The following C19orf73 variants were observed in gnomAD, a reference collection of about 807,000 sequenced individuals.
The protein encoded by C19orf73 is chromosome 19 open reading frame 73, also known as putative uncharacterized protein C19orf73.
For missense variants in C19orf73, 211 were observed against 177.6 expected (o/e 1.19, Z -1.07); for synonymous variants, 86 against 79.1 (o/e 1.09, Z -0.46).
chr19:49,118,951 C>G lies in C19orf73; in HGVS notation c.72G>C (p.Val24=). The change falls in exon 1 of 1, where the codon GTG becomes GTC. Residue 24 remains valine (V), a synonymous_variant. Coordinates refer to ENST00000408991, the MANE Select transcript of C19orf73 (RefSeq NM_018111.3). ...RKDALCLEGG[V]SARWARAPHS... is the part of the protein sequence containing the mutation. ...GAGGTGCCCTCGCCCACCGGGCGCTCACTCCACCTTCCAAACACAGCGCGT... is the reference window on the plus strand; with the variant it reads ...GAGGTGCCCTCGCCCACCGGGCGCTGACTCCACCTTCCAAACACAGCGCGT... 6.2e-7 allele frequency: 1 copy of G among 1,613,666 alleles called. No individual in the cohort carries two copies. Among genetic ancestry groups the G allele is most frequent in the Non-Finnish European group, 8.5e-7 (1 of 1,179,816 alleles).
Position 49,119,015 on chromosome 19 carries a change from A to T in C19orf73, c.8T>A (p.Leu3Gln). The T allele has an allele frequency of 6.2e-7, 1 of 1,613,442 alleles. No individual in the cohort carries two copies. The highest frequency in any genetic ancestry group is 8.5e-7 in the Non-Finnish European group (1 of 1,179,758). MR[L>Q]KVGFQGGGCF... Reference sequence around the variant, plus strand: ...GCCCCCGCCTTGAAATCCAACCTTTAGCCTCATCCCGCTGCCCGCCCAGCC... The same window carrying T: ...GCCCCCGCCTTGAAATCCAACCTTTTGCCTCATCCCGCTGCCCGCCCAGCC... The change falls in exon 1 of 1, where the codon CTA (leucine) becomes CAA (glutamine). Residue 3 changes from leucine to glutamine, a missense_variant. By Grantham distance (113) the Leu-to-Gln change is moderately radical. Coordinates refer to ENST00000408991, the MANE Select transcript of C19orf73 (RefSeq NM_018111.3).
Position 49,118,974 on chromosome 19 carries a change from C to G in C19orf73, c.49G>C (p.Ala17Pro). 1 of 1,613,682 alleles carries G rather than the reference C, an allele frequency of 6.2e-7. No individual in the cohort carries two copies. Among genetic ancestry groups the G allele is most frequent in the Non-Finnish European group, 8.5e-7 (1 of 1,179,850 alleles). ...FQGGGCFRKD[A>P]LCLEGGVSAR... Reference sequence around the variant, plus strand: ...CTCACTCCACCTTCCAAACACAGCGCGTCTTTCCGGAAGCAGCCCCCGCCT... The same window carrying G: ...CTCACTCCACCTTCCAAACACAGCGGGTCTTTCCGGAAGCAGCCCCCGCCT... Residue 17 changes from alanine to proline, a missense_variant, in exon 1 of 1, where the codon GCG becomes CCG. Coordinates refer to ENST00000408991, the MANE Select transcript of C19orf73 (RefSeq NM_018111.3).
In C19orf73 at chr19:49,118,517, G is replaced by T. The variant is rs1256504088; in HGVS notation, c.*116C>A. 3.2e-5 allele frequency: 50 copies of T among 1,566,240 alleles called. No homozygotes were observed. The highest frequency in any genetic ancestry group is 4.4e-5 in the Non-Finnish European group (50 of 1,143,328). ...GGGTTGGTGTCTTGAGATGTGGAGG[G>T]AATGCGAGGAGCTGAGGTCAGGCCA... On this transcript the variant is annotated 3_prime_UTR_variant, in exon 1 of 1. Coordinates refer to ENST00000408991, the MANE Select transcript of C19orf73 (RefSeq NM_018111.3).
rs2040890251 is a variant in C19orf73 at position 49,119,142 on chromosome 19, TC to T, written c.-121del. The T allele has an allele frequency of 7.2e-7, 1 of 1,380,566 alleles. No individual in the cohort carries two copies. The highest frequency in any genetic ancestry group is 2.5e-5 in the Admixed American group (1 of 39,796). The allele number at this position is 1,380,566 out of a possible 1,614,324, so 85.5% of individuals were successfully genotyped here. ...GCGCTACTCGCTCCAGGTGACATCATCCCCCTGCCGGGCTCCGCCTCCCGCC... is the reference window on the plus strand; with the variant it reads ...GCGCTACTCGCTCCAGGTGACATCATCCCCTGCCGGGCTCCGCCTCCCGCC... On this transcript the variant is annotated 5_prime_UTR_variant, in exon 1 of 1. Transcript: ENST00000408991.
At position 49,118,831 on chromosome 19, in the gene C19orf73, C is replaced by T; in HGVS notation, c.192G>A (p.Arg64=). ...CGGAGCGAACCATTAGCCTCGTCCG[C>T]CGGGGGAACCCTGCAGGCCGCACTA... ...QTVVRPAGFP[R]RTRLMVRSAP... The change falls in exon 1 of 1, where the codon CGG becomes CGA. Residue 64 remains arginine, a synonymous_variant. Transcript: ENST00000408991. 1 of 1,613,770 alleles carries T rather than the reference C, an allele frequency of 6.2e-7. No individual in the cohort carries two copies. Among genetic ancestry groups the T allele is most frequent in the South Asian group, 1.1e-5 (1 of 91,046 alleles).
chr19:49,118,502 C>A lies in C19orf73; in HGVS notation c.*131G>T. 1.3e-6 allele frequency: 2 copies of A among 1,569,648 alleles called. No individual in the cohort carries two copies. Among genetic ancestry groups the A allele is most frequent in the Non-Finnish European group, 1.7e-6 (2 of 1,143,190 alleles). ...CTGTCCTGCATCCCTGGGTTGGTGTCTTGAGATGTGGAGGGAATGCGAGGA... is the reference window on the plus strand; with the variant it reads ...CTGTCCTGCATCCCTGGGTTGGTGTATTGAGATGTGGAGGGAATGCGAGGA... On this transcript the variant is annotated 3_prime_UTR_variant, in exon 1 of 1. Coordinates refer to ENST00000408991, the MANE Select transcript of C19orf73 (RefSeq NM_018111.3).
chr19:49,118,471 G>T lies in C19orf73; in HGVS notation c.*162C>A. The T allele has an allele frequency of 6.4e-7, 1 of 1,556,664 alleles. No individual in the cohort carries two copies. Among genetic ancestry groups the T allele is most frequent in the Non-Finnish European group, 8.9e-7 (1 of 1,127,926 alleles). On this transcript the variant is annotated 3_prime_UTR_variant, in exon 1 of 1. Coordinates refer to ENST00000408991, the MANE Select transcript of C19orf73 (RefSeq NM_018111.3). ...GATATTTGACCCTCACTGAGTGTCT[G>T]TGTGTCTGTCCTGCATCCCTGGGTT...
chr19:49,118,886 G>A lies in C19orf73; in HGVS notation c.137C>T (p.Ala46Val). Residue 46 changes from alanine (A) to valine (V), a missense_variant, in exon 1 of 1, where the codon GCA (alanine) becomes GTA (valine). Physicochemically the swap from Ala to Val is moderately conservative, Grantham distance 64. Coordinates refer to ENST00000408991, the MANE Select transcript of C19orf73 (RefSeq NM_018111.3). ...CTGCGTGGGAGTCGCGGGTGGGGGT[G>A]CCGCGTGCAGTTCCCGAGGCGGGCG... ...PLRPPRELHA[A>V]PPPATPTQTV... The A allele has an allele frequency of 6.2e-7, 1 of 1,613,008 alleles. No homozygotes were observed. Among genetic ancestry groups the A allele is most frequent in the Non-Finnish European group, 8.5e-7 (1 of 1,179,438 alleles).
Position 49,118,836 on chromosome 19 carries a change from G to T in C19orf73, c.187C>A (p.Pro63Thr). Residue 63 changes from proline (P) to threonine (T), a missense_variant, in exon 1 of 1, where the codon CCC (proline) becomes ACC (threonine). Physicochemically the swap from Pro to Thr is conservative, Grantham distance 38. Coordinates refer to ENST00000408991, the MANE Select transcript of C19orf73 (RefSeq NM_018111.3). The stretch of plus-strand genomic sequence containing the variant: ...CGAACCATTAGCCTCGTCCGCCGGG[G>T]GAACCCTGCAGGCCGCACTACTGTC... Reference protein sequence around the residue: ...TQTVVRPAGFPRRTRLMVRSA... With the variant: ...TQTVVRPAGFTRRTRLMVRSA... The T allele has an allele frequency of 6.2e-7, 1 of 1,613,768 alleles. No individual in the cohort carries two copies.
Position 49,118,461 on chromosome 19 carries a change from CTGAG to C in C19orf73, c.*168_*171del. 1 of 1,559,836 alleles carries C rather than the reference CTGAG, an allele frequency of 6.4e-7. No homozygotes were observed. The highest frequency in any genetic ancestry group is 8.8e-7 in the Non-Finnish European group (1 of 1,130,742). Reference sequence around the variant, plus strand: ...TTTATTTAAAGATATTTGACCCTCACTGAGTGTCTGTGTGTCTGTCCTGCATCCC... The same window carrying C: ...TTTATTTAAAGATATTTGACCCTCACTGTCTGTGTGTCTGTCCTGCATCCC... On this transcript the variant is annotated 3_prime_UTR_variant, in exon 1 of 1. Coordinates refer to ENST00000408991, the MANE Select transcript of C19orf73 (RefSeq NM_018111.3).
At position 49,118,513 on chromosome 19, in the gene C19orf73, G is replaced by C. The variant is rs1018183196; in HGVS notation, c.*120C>G. 4 of 1,564,020 alleles carry C rather than the reference G, an allele frequency of 2.6e-6. No homozygotes were observed. In the African/African-American group the frequency reaches 5.4e-5, roughly 21 times the overall value. ...CCCTGGGTTGGTGTCTTGAGATGTG[G>C]AGGGAATGCGAGGAGCTGAGGTCAG... On this transcript the variant is annotated 3_prime_UTR_variant, in exon 1 of 1. Transcript: ENST00000408991.
At position 49,118,428 on chromosome 19, in the gene C19orf73, C is replaced by A. The variant is rs1225036619; in HGVS notation, c.*205G>T. The A allele has an allele frequency of 5.6e-6, 9 of 1,601,036 alleles. No homozygotes were observed. The highest frequency in any genetic ancestry group is 5.0e-5 in the Admixed American group (3 of 59,950). On this transcript the variant is annotated 3_prime_UTR_variant, in exon 1 of 1. Coordinates refer to ENST00000408991, the MANE Select transcript of C19orf73 (RefSeq NM_018111.3). ...CTCTTCCTGTACAGTATTTATTGTT[C>A]CTGGCACTTTATTTAAAGATATTTG...
In C19orf73 at chr19:49,118,946, G is replaced by C; in HGVS notation, c.77C>G (p.Ala26Gly). The C allele has an allele frequency of 6.2e-7, 1 of 1,613,652 alleles. No homozygotes were observed. Among genetic ancestry groups the C allele is most frequent in the Non-Finnish European group, 8.5e-7 (1 of 1,179,808 alleles). ...AGAATGAGGTGCCCTCGCCCACCGG[G>C]CGCTCACTCCACCTTCCAAACACAG... Reference protein sequence around the residue: ...DALCLEGGVSARWARAPHSAP... With the variant: ...DALCLEGGVSGRWARAPHSAP... Residue 26 changes from alanine (A) to glycine (G), a missense_variant, in exon 1 of 1, where the codon GCC becomes GGC. Coordinates refer to ENST00000408991, the MANE Select transcript of C19orf73 (RefSeq NM_018111.3).
At position 49,119,100 on chromosome 19, in the gene C19orf73, C is replaced by G. The variant is rs2040889183; in HGVS notation, c.-78G>C. The G allele has an allele frequency of 6.3e-7, 1 of 1,586,754 alleles. No homozygotes were observed. Among genetic ancestry groups the G allele is most frequent in the African/African-American group, 1.3e-5 (1 of 74,112 alleles). On this transcript the variant is annotated 5_prime_UTR_variant, in exon 1 of 1. Coordinates refer to ENST00000408991, the MANE Select transcript of C19orf73 (RefSeq NM_018111.3). ...CCACTGCCGGGAGCCGGGGTCGCGA[C>G]TCGCGTTCCACGCCGCGCGCTACTC...
the C19orf73 span, chr19:49,118,734 GA>G: frequency 6.2e-7 from 1 of 1,614,230 alleles, no homozygotes; most frequent in Non-Finnish European, 8.5e-7. Flanking sequence ...GTCTGAGGGC[GA>G]AGGCCAAGTC....
At position 49,119,121 on chromosome 19, in the gene C19orf73, T is replaced by C. The variant is rs923954678; in HGVS notation, c.-99A>G. The C allele has an allele frequency of 1.4e-5, 22 of 1,538,034 alleles. No homozygotes were observed. The South Asian group carries it at 2.4e-4, about 17-fold the overall frequency. ...GCGACTCGCGTTCCACGCCGCGCGCTACTCGCTCCAGGTGACATCATCCCC... is the reference window on the plus strand; with the variant it reads ...GCGACTCGCGTTCCACGCCGCGCGCCACTCGCTCCAGGTGACATCATCCCC... On this transcript the variant is annotated 5_prime_UTR_variant, in exon 1 of 1. Coordinates refer to ENST00000408991, the MANE Select transcript of C19orf73 (RefSeq NM_018111.3).
Position 49,118,543 on chromosome 19 carries a change from A to C in C19orf73, c.*90T>G. 3 of 1,573,572 alleles carry C rather than the reference A, an allele frequency of 1.9e-6. No individual in the cohort carries two copies. The highest frequency in any genetic ancestry group is 1.7e-6 in the Non-Finnish European group (2 of 1,156,238). On this transcript the variant is annotated 3_prime_UTR_variant, in exon 1 of 1. Transcript: ENST00000408991. ...AATGCGAGGAGCTGAGGTCAGGCCA[A>C]GCCGTTGAGAAGCCTTTTCCAGAGT...
chr19:49,118,618 C>T lies in C19orf73; in HGVS notation c.*15G>A, dbSNP rs2040877740. ...CCCTAGGTCTGAAGGCGGAGACAGG[C>T]CGGCTTCCAAGAGACTAGTCCGAGG... On this transcript the variant is annotated 3_prime_UTR_variant, in exon 1 of 1. Transcript: ENST00000408991. The T allele has an allele frequency of 5.6e-6, 9 of 1,597,830 alleles. 1 individual carries two copies. Among genetic ancestry groups the T allele is most frequent in the South Asian group, 2.2e-5 (2 of 89,568 alleles).
At position 49,119,092 on chromosome 19, in the gene C19orf73, G is replaced by C. The variant is rs991320772; in HGVS notation, c.-70C>G. 3.8e-6 allele frequency: 6 copies of C among 1,595,742 alleles called. No individual in the cohort carries two copies. Among genetic ancestry groups the C allele is most frequent in the Non-Finnish European group, 3.4e-6 (4 of 1,170,600 alleles). ...AGTGCGCGCCACTGCCGGGAGCCGG[G>C]GTCGCGACTCGCGTTCCACGCCGCG... On this transcript the variant is annotated 5_prime_UTR_variant, in exon 1 of 1. Coordinates refer to ENST00000408991, the MANE Select transcript of C19orf73 (RefSeq NM_018111.3).
Sources: allele counts gnomAD v4.1 joint callset, GRCh38; gene constraint gnomAD v4.1.1; transcripts MANE v1.5; gene names NCBI Gene and HGNC (gene_info 2026-07-23, HGNC 2026-07-21).